SFI1: variants seen among roughly 807,000 people sequenced by gnomAD.
SFI1 encodes the protein protein SFI1 homolog.
Under a neutral mutation model 207.5 loss-of-function variants are expected in SFI1, and 195 were observed. The ratio of observed to expected loss-of-function variants is 0.94; its 90% CI spans 0.84 to 1.06. SFI1 has a LOEUF of 1.06. SFI1 is among the 50% of genes least tolerant of loss of function. The pLI, the probability that SFI1 is intolerant of heterozygous loss-of-function variation, is 0.00. For synonymous variants in SFI1, 630 were observed against 598.9 expected (o/e 1.05, Z -0.76); for missense variants, 1,634 against 1,588.0 (o/e 1.03, Z -0.49).
intron 28 of SFI1, 55 bp downstream of exon 28, chr22:31,614,915 A>G (rs777115745): frequency 6.3e-7 from 1 of 1,598,202 alleles, no homozygotes; most frequent in South Asian, 1.1e-5. Flanking sequence ...GGGGTCCCCA[A>G]AGGCAGCGGG....
rs140622113 is a variant in SFI1 at position 31,519,475 on chromosome 22, C to T, written c.93-9215C>T. Among the ~76,000 whole-genome samples, 141 of 151,740 alleles carry T rather than the reference C, an allele frequency of 9.3e-4. 1 individual carries two copies. In the East Asian group the frequency reaches 0.022, roughly 24 times the overall value. On this transcript the variant is annotated intron_variant, in intron 2 of 32. Coordinates refer to ENST00000400288, the MANE Select transcript of SFI1 (RefSeq NM_001007467.3). ...TTTCCGAGACACAGTCTTGCTCTCC[C>T]GCCCAGGCTGGAGTGCAGTGGCATG... is the stretch of plus-strand genomic sequence containing the variant.
In SFI1 at chr22:31,582,204, TTTTATATATATA is replaced by T. The variant is rs1190187939; in HGVS notation, c.1249-1669_1249-1658del. Among the ~76,000 whole-genome samples the T allele has an allele frequency of 1.1e-3, 18 of 16,004 alleles. 2 individuals carry two copies. In the South Asian group the frequency reaches 0.026, roughly 23 times the overall value. 10.5% of individuals were successfully genotyped at this position (16,004 alleles called of 152,430 possible). A position where few individuals can be genotyped will look rare whatever the true frequency, so the allele number is the denominator to read the frequency against. On this transcript the variant is annotated intron_variant, in intron 12 of 32. Transcript: ENST00000400288. ...CCCCCAACAACACTTCTTTATTACA[TTTTATATATATA>T]TATATATATATATATATATATTTTT...
At chr22:31,613,246 T>C in intron 25 of SFI1, 30 bp downstream of exon 25, 1 of 1,613,230 alleles carries the variant, frequency 6.2e-7, no homozygotes, top group Non-Finnish European at 8.5e-7. Context: ...CTACCATCCC[T>C]GCCTCTCCCT....
intron 2 of SFI1, among the ~76,000 whole-genome samples, chr22:31,510,142 T>C (rs2146675920): frequency 6.6e-6 from 1 of 152,036 alleles, no homozygotes; most frequent in Non-Finnish European, 1.5e-5. Flanking sequence ...ATTATTTCTT[T>C]TTAAATCTTT....
At chr22:31,559,483 A>G (rs1024420725) in intron 7 of SFI1, 4 of 483,622 alleles carry the variant, frequency 8.3e-6, no homozygotes, top group East Asian at 4.5e-5. Context: ...TGTTCCTGCT[A>G]TGTCTCTAGT....
intron 4 of SFI1, among the ~76,000 whole-genome samples, chr22:31,534,612 T>TC (rs1460573125): frequency 1.3e-5 from 2 of 152,132 alleles, no homozygotes; most frequent in African/African-American, 4.8e-5. Flanking sequence ...GCTGGTTTTT[T>TC]CCCAGCACCT....
At chr22:31,572,044 A>G (rs770238067) in intron 8 of SFI1, among the ~76,000 whole-genome samples, 5 of 152,168 alleles carry the variant, frequency 3.3e-5, no homozygotes, top group African/African-American at 1.2e-4. Flanking sequence ...AGAGCTGGAC[A>G]GGGTTGGGAG....
chr22:31,606,659 C>A, intron 21 of SFI1: 1 of 364,168 alleles, frequency 2.7e-6, no homozygotes. Flanking sequence ...CATAAGTGAA[C>A]TAGTTCTTAT....
chr22:31,526,975 C>T (rs2057990763), intron 2 of SFI1, among the ~76,000 whole-genome samples: 1 of 152,154 alleles, frequency 6.6e-6, no homozygotes, highest in East Asian at 1.9e-4. Flanking sequence ...TGGCTCACCG[C>T]AACCTCCGCC....
intron 4 of SFI1, among the ~76,000 whole-genome samples, chr22:31,534,078 G>T (rs890712953): frequency 3.3e-5 from 5 of 152,026 alleles, no homozygotes; most frequent in Non-Finnish European, 4.4e-5. Context: ...CCCTCTCTTT[G>T]TGTATATTTT....
intron 6 of SFI1, 118 bp from the exon 7 acceptor site, chr22:31,556,824 G>A (rs137886940): frequency 0.013 from 7,896 of 597,016 alleles, 71 homozygotes; most frequent in Non-Finnish European, 0.016. Flanking sequence ...TTCCAGCAGG[G>A]GTCACTTGTA....
chr22:31,578,668 C>A (rs374132046), intron 11 of SFI1, among the ~76,000 whole-genome samples: 1 of 152,148 alleles, frequency 6.6e-6, no homozygotes, highest in Non-Finnish European at 1.5e-5. Context: ...TGTAAAGGAA[C>A]CTCAGAGATT....
intron 3 of SFI1, 97 bp from the exon 4 acceptor site, chr22:31,530,961 G>C (rs901209460): frequency 3.1e-5 from 30 of 968,490 alleles, no homozygotes; most frequent in Non-Finnish European, 4.5e-5. Flanking sequence ...ACATCCCTCT[G>C]CTGAGACCTT....
chr22:31,604,329 G>A lies in SFI1; in HGVS notation c.1902G>A (p.Ala634=), dbSNP rs1431557120. The A allele has an allele frequency of 1.3e-5, 21 of 1,579,308 alleles. No individual in the cohort carries two copies. Among genetic ancestry groups the A allele is most frequent in the Middle Eastern group, 1.7e-4 (1 of 5,880 alleles). ...TGCAGTGCCTGGCCCTGCGGGGAGC[G>A]GAGCGGCAGAAGCTGATGCGAGCAG... is the stretch of plus-strand genomic sequence containing the variant. ...QWRECLALRG[A]ERQKLMRADL... The change falls in exon 19 of 33, where the codon GCG becomes GCA. Residue 634 remains alanine (A), a synonymous_variant. Transcript: ENST00000400288.
At chr22:31,547,621 G>GT (rs137984093) in intron 5 of SFI1, among the ~76,000 whole-genome samples, 14,923 of 139,412 alleles carry the variant, frequency 0.11, 886 homozygotes, top group Middle Eastern at 0.19. Flanking sequence ...TGTTTTTTTT[G>GT]TTTTTTTTTG....
intron 4 of SFI1, among the ~76,000 whole-genome samples, chr22:31,540,349 T>C (rs974266101): frequency 1.3e-5 from 2 of 151,898 alleles, no homozygotes; most frequent in East Asian, 1.9e-4. Context: ...AGTGGCGCAA[T>C]TGACTCACTG....
At position 31,604,872 on chromosome 22, in the gene SFI1, T is replaced by C. The variant is rs988268889; in HGVS notation, c.1981T>C (p.Tyr661His). The change falls in exon 20 of 33, where the codon TAC (tyrosine) becomes CAC (histidine). Residue 661 changes from tyrosine to histidine, a missense_variant. Physicochemically the swap from Tyr to His is moderately conservative, Grantham distance 83. Transcript: ENST00000400288. ...LHRALQAWVT[Y>H]QGRVRSILRE... Reference sequence around the variant, plus strand: ...CAGTCTTCCTTGTCCCCTACAGACTTACCAGGGCAGGGTGCGAAGCATCCT... The same window carrying C: ...CAGTCTTCCTTGTCCCCTACAGACTCACCAGGGCAGGGTGCGAAGCATCCT... 1.2e-6 allele frequency: 2 copies of C among 1,611,686 alleles called. No homozygotes were observed. Among genetic ancestry groups the C allele is most frequent in the Admixed American group, 3.3e-5 (2 of 59,748 alleles).
chr22:31,542,101 T>TAAAAAA (rs10651316), intron 4 of SFI1, among the ~76,000 whole-genome samples: 2 of 114,422 alleles, frequency 1.7e-5, no homozygotes, highest in Non-Finnish European at 3.4e-5. Context: ...ACCCCGTCTT[T>TAAAAAA]AAAAAAAAAA....
chr22:31,588,935 T>A (rs537826150), intron 14 of SFI1, among the ~76,000 whole-genome samples: 9 of 152,238 alleles, frequency 5.9e-5, no homozygotes, highest in Non-Finnish European at 1.2e-4. Flanking sequence ...TTATGTCCAT[T>A]GTCTGTCTTC....
Sources: gnomAD v4.1 joint callset for allele counts (sites outside exome capture counted in the v4.1 genomes callset) on GRCh38, gnomAD v4.1.1 for gene constraint, MANE v1.5 for transcripts, NCBI Gene and HGNC (gene_info 2026-07-23, HGNC 2026-07-21) for gene names.